ANK2: variants seen among roughly 807,000 people sequenced by gnomAD.
ANK2 encodes the protein ankyrin-2.
ANK2 carries 83 observed loss-of-function variants against 360.5 expected under a neutral mutation model. The observed-to-expected ratio is 0.23, with a 90% CI of 0.19 to 0.28. The LOEUF (loss-of-function observed/expected upper bound fraction) is 0.28, where lower values mean the gene tolerates loss of function less well. Among genes scored for constraint, ANK2 ranks in the 10% least tolerant of loss-of-function variants. The pLI is 1.00. For missense variants in ANK2, 4,201 were observed against 4,795.7 expected (o/e 0.88, Z 3.66); for synonymous variants, 1,740 against 1,759.5 (o/e 0.99, Z 0.28).
At chr4:113,072,179 C>T (rs966013404) in intron 1 of ANK2, among the ~76,000 whole-genome samples, 10 of 152,210 alleles carry the variant, frequency 6.6e-5, no homozygotes, top group African/African-American at 2.4e-4. Context: ...GTTTCTCTCC[C>T]CAGCACTTTT....
At chr4:112,784,970 C>G in the ANK2 span, among the ~76,000 whole-genome samples, 1 of 152,150 alleles carries the variant, frequency 6.6e-6, no homozygotes, top group Non-Finnish European at 1.5e-5. Flanking sequence ...AAAATGTTTA[C>G]TCAGTTTGAT....
intron 1 of ANK2, among the ~76,000 whole-genome samples, chr4:112,868,302 C>G (rs2071473474): frequency 6.6e-6 from 1 of 152,168 alleles, no homozygotes; most frequent in Admixed American, 6.5e-5. Context: ...CACATAGTTC[C>G]AGAGACTAGG....
chr4:113,029,693 G>C (rs919540970), intron 2 of ANK2, among the ~76,000 whole-genome samples: 11 of 151,992 alleles, frequency 7.2e-5, no homozygotes, highest in Admixed American at 2.6e-4. Context: ...CCCACAGAGA[G>C]AGCCCGACCT....
rs147258315 is a variant in ANK2 at position 113,213,479 on chromosome 4, A to G, written c.384+14370A>G. Among the ~76,000 whole-genome samples the G allele has an allele frequency of 1.6e-4, 25 of 152,324 alleles. No homozygotes were observed. The East Asian group carries it at 4.8e-3, about 29-fold the overall frequency. ...AATACTATGTGGGCAGCTGTCTCAAATATAAGTCTTGAGAAGGGCTAATAG... is the reference window on the plus strand; with the variant it reads ...AATACTATGTGGGCAGCTGTCTCAAGTATAAGTCTTGAGAAGGGCTAATAG... On this transcript the variant is annotated intron_variant, in intron 4 of 45. Coordinates refer to ENST00000357077, the MANE Select transcript of ANK2 (RefSeq NM_001148.6).
chr4:112,832,793 A>G (rs1314201594), intron 1 of ANK2, among the ~76,000 whole-genome samples: 1 of 152,242 alleles, frequency 6.6e-6, no homozygotes, highest in Non-Finnish European at 1.5e-5. Context: ...TTAGAAAAAT[A>G]TTTTAAAAGG....
At chr4:112,732,324 A>G in the ANK2 span, among the ~76,000 whole-genome samples, 4 of 143,330 alleles carry the variant, frequency 2.8e-5, no homozygotes, top group African/African-American at 5.3e-5. Flanking sequence ...ATCGTAGCTC[A>G]CTGCAACCTG....
intron 1 of ANK2, among the ~76,000 whole-genome samples, chr4:112,860,218 A>T (rs1245881528): frequency 2.0e-5 from 3 of 152,022 alleles, no homozygotes; most frequent in Non-Finnish European, 2.9e-5. Flanking sequence ...TGGAAGTTTT[A>T]AAAAAAATTC....
At chr4:112,913,267 T>C (rs1250163031) in intron 2 of ANK2, among the ~76,000 whole-genome samples, 1 of 152,240 alleles carries the variant, frequency 6.6e-6, no homozygotes, top group Non-Finnish European at 1.5e-5. Flanking sequence ...TTCTGTAATG[T>C]AGAGTTTTAT....
intron 2 of ANK2, among the ~76,000 whole-genome samples, chr4:113,183,379 T>C (rs1480792279): frequency 1.3e-5 from 2 of 152,114 alleles, no homozygotes; most frequent in African/African-American, 4.8e-5. Context: ...GTGGCATGTG[T>C]GTGTGTTCTT....
chr4:113,302,889 G>A, intron 23 of ANK2, 50 bp downstream of exon 23: 2 of 1,503,012 alleles, frequency 1.3e-6, no homozygotes, highest in Non-Finnish European at 1.9e-6. Flanking sequence ...TCTTACACAA[G>A]GGCAAATTAC....
chr4:113,367,363 C>T (rs547285006), intron 41 of ANK2, among the ~76,000 whole-genome samples: 1 of 152,142 alleles, frequency 6.6e-6, no homozygotes, highest in African/African-American at 2.4e-5. Context: ...TGGAATTGAC[C>T]GTTACTTGCG....
the ANK2 span, among the ~76,000 whole-genome samples, chr4:112,760,829 T>C: frequency 0.73 from 106,539 of 145,596 alleles, 39,836 homozygotes; most frequent in East Asian, 0.97. Flanking sequence ...TTTTTTGAGA[T>C]GGAGTCTTGC....
chr4:113,083,071 A>C (rs999527371), intron 1 of ANK2, among the ~76,000 whole-genome samples: 1 of 151,682 alleles, frequency 6.6e-6, no homozygotes, highest in East Asian at 1.9e-4. Context: ...TTATTTTTTT[A>C]AATTTTTAAA....
At chr4:113,364,914 C>G in intron 40 of ANK2, 125 bp from the exon 41 acceptor site, 1 of 1,270,700 alleles carries the variant, frequency 7.9e-7, no homozygotes, top group Non-Finnish European at 1.1e-6. Context: ...TTTACAAAGA[C>G]TTTTAATTAG....
intron 2 of ANK2, among the ~76,000 whole-genome samples, chr4:112,924,981 G>A (rs549079506): frequency 2.2e-4 from 33 of 151,998 alleles, no homozygotes; most frequent in Admixed American, 1.9e-3. Context: ...TGGGACTACA[G>A]GTGCCTGCCA....
intron 1 of ANK2, among the ~76,000 whole-genome samples, chr4:113,058,407 C>T (rs2071255679): frequency 6.6e-6 from 1 of 151,950 alleles, no homozygotes; most frequent in Non-Finnish European, 1.5e-5. Flanking sequence ...TATTTGACAA[C>T]ATTCTTAATA....
At chr4:113,322,798 G>A (rs1207851192) in intron 26 of ANK2, among the ~76,000 whole-genome samples, 1 of 152,102 alleles carries the variant, frequency 6.6e-6, no homozygotes, top group Non-Finnish European at 1.5e-5. Context: ...TCAAATAACG[G>A]GATATTTGAA....
chr4:112,964,761 G>A (rs553358507), intron 2 of ANK2, among the ~76,000 whole-genome samples: 34 of 152,008 alleles, frequency 2.2e-4, no homozygotes, highest in Non-Finnish European at 4.1e-4. Flanking sequence ...AGTAGAGACG[G>A]GGTTTCACTG....
upstream of ANK2, among the ~76,000 whole-genome samples, chr4:113,048,276 ATTTTTTTTTTTTT>A (rs1165941601): frequency 4.3e-4 from 17 of 39,734 alleles, no homozygotes; most frequent in Admixed American, 1.3e-3. Flanking sequence ...ATATATATAT[ATTTTTTTTTTTTT>A]TTTTTTTTTT....
Sources: allele counts gnomAD v4.1 joint callset (sites outside exome capture counted in the v4.1 genomes callset), GRCh38; gene constraint gnomAD v4.1.1; transcripts MANE v1.5; gene names NCBI Gene and HGNC (gene_info 2026-07-23, HGNC 2026-07-21).